The following GPC6 variants were observed in gnomAD, a reference collection of about 807,000 sequenced individuals.
GPC6 encodes the protein glypican-6.
GPC6 carries 14 observed loss-of-function variants against 55.2 expected under a neutral mutation model. That is an observed-to-expected ratio of 0.25 (90% CI 0.17 to 0.40). The LOEUF (loss-of-function observed/expected upper bound fraction) is 0.40. Among genes scored for constraint, GPC6 ranks in the 10% least tolerant of loss-of-function variants. The pLI is 1.00. For missense variants in GPC6, 641 were observed against 708.5 expected (o/e 0.90, Z 1.08); for synonymous variants, 278 against 259.6 (o/e 1.07, Z -0.68).
At chr13:93,848,546 G>A (rs1342881437) in intron 3 of GPC6, among the ~76,000 whole-genome samples, 3 of 152,010 alleles carry the variant, frequency 2.0e-5, no homozygotes, top group Non-Finnish European at 2.9e-5. Flanking sequence ...TGAGGTTACT[G>A]TCCTGTTTAC....
At chr13:93,326,952 G>GCTGTAGGT (rs1879679861) in intron 1 of GPC6, among the ~76,000 whole-genome samples, 1 of 152,194 alleles carries the variant, frequency 6.6e-6, no homozygotes, top group African/African-American at 2.4e-5. Flanking sequence ...GCACTAAAAA[G>GCTGTAGGT]CTGTAGGTGT....
At chr13:93,369,360 CATT>C (rs1277563748) in intron 1 of GPC6, among the ~76,000 whole-genome samples, 1 of 151,950 alleles carries the variant, frequency 6.6e-6, no homozygotes, top group African/African-American at 2.4e-5. Flanking sequence ...ACGATGGAAA[CATT>C]AATCAAAAGG....
At chr13:93,575,159 T>C (rs1455531865) in intron 2 of GPC6, among the ~76,000 whole-genome samples, 5 of 152,096 alleles carry the variant, frequency 3.3e-5, no homozygotes, top group Admixed American at 3.3e-4. Flanking sequence ...CAGGGTGTGA[T>C]GGTGCATGCC....
At position 93,346,856 on chromosome 13, in the gene GPC6, A is replaced by G. The variant is rs150802288; in HGVS notation, c.160+119240A>G. 4.1e-3 allele frequency among the ~76,000 whole-genome samples: 617 copies of G among 152,300 alleles called. 20 individuals are homozygous for G. The East Asian group carries it at 0.063, about 16-fold the overall frequency. ...TGTATAGCATTATGTAGATACATTT[A>G]GTCATATAATTTCTAAATAAAAATG... On this transcript the variant is annotated intron_variant, in intron 1 of 8. Coordinates refer to ENST00000377047, the MANE Select transcript of GPC6 (RefSeq NM_005708.5).
chr13:93,494,020 C>T (rs1433665552), intron 1 of GPC6, among the ~76,000 whole-genome samples: 5 of 128,930 alleles, frequency 3.9e-5, no homozygotes, highest in African/African-American at 1.5e-4. Context: ...GTGGAGAGTT[C>T]TGTAGATGTC....
At chr13:94,072,920 GA>G (rs1884787234) in intron 4 of GPC6, among the ~76,000 whole-genome samples, 1 of 152,182 alleles carries the variant, frequency 6.6e-6, no homozygotes, top group South Asian at 2.1e-4. Flanking sequence ...GATGAAAGGT[GA>G]ATAAGGTCAG....
intron 1 of GPC6, among the ~76,000 whole-genome samples, chr13:93,352,761 T>A (rs1880677256): frequency 6.6e-6 from 1 of 152,132 alleles, no homozygotes; most frequent in Non-Finnish European, 1.5e-5. Context: ...CTAAATAAGA[T>A]AGCAAATCTC....
intron 6 of GPC6, among the ~76,000 whole-genome samples, chr13:94,378,702 A>G (rs189313163): frequency 1.3e-5 from 2 of 152,346 alleles, no homozygotes; most frequent in East Asian, 1.9e-4. Flanking sequence ...CCAGAGACAT[A>G]ACAGTAGTTG....
intron 1 of GPC6, among the ~76,000 whole-genome samples, chr13:93,241,791 C>G (rs1348368634): frequency 6.7e-6 from 1 of 149,074 alleles, no homozygotes; most frequent in Non-Finnish European, 1.5e-5. Flanking sequence ...AGAATTGTTT[C>G]TTCTTATTAT....
intron 3 of GPC6, among the ~76,000 whole-genome samples, chr13:93,911,152 G>T (rs2140335815): frequency 6.6e-6 from 1 of 152,288 alleles, no homozygotes; most frequent in East Asian, 1.9e-4. Context: ...ATACAAAGAG[G>T]AACAGAGTTT....
At chr13:93,845,104 C>T (rs978747654) in intron 3 of GPC6, among the ~76,000 whole-genome samples, 14 of 151,914 alleles carry the variant, frequency 9.2e-5, no homozygotes, top group African/African-American at 3.4e-4. Context: ...GTTCTTTTGG[C>T]TTAGGATTGA....
At chr13:93,981,458 T>C (rs894165827) in intron 3 of GPC6, among the ~76,000 whole-genome samples, 2 of 152,196 alleles carry the variant, frequency 1.3e-5, no homozygotes, top group African/African-American at 4.8e-5. Context: ...AAATAAAAAT[T>C]TGTATGAAAT....
At chr13:93,972,903 TTCTC>T (rs142791637) in intron 3 of GPC6, among the ~76,000 whole-genome samples, 4 of 141,266 alleles carry the variant, frequency 2.8e-5, no homozygotes, top group Admixed American at 7.0e-5. Context: ...GTCTCTCTCT[TTCTC>T]TCTCTCTCTC....
chr13:93,789,156 GA>G (rs1566536234), intron 2 of GPC6, among the ~76,000 whole-genome samples: 2 of 152,098 alleles, frequency 1.3e-5, no homozygotes, highest in Non-Finnish European at 1.5e-5. Flanking sequence ...ATGTCTGAAA[GA>G]GAAAATAAGA....
At position 93,427,104 on chromosome 13, in the gene GPC6, ATTTG is replaced by A. The variant is rs762392648; in HGVS notation, c.161-118154_161-118151del. Among the ~76,000 whole-genome samples, 793 of 149,324 alleles carry A rather than the reference ATTTG, an allele frequency of 5.3e-3. 7 individuals are homozygous for A. The highest frequency in any genetic ancestry group is 7.6e-3 in the Non-Finnish European group (510 of 66,886). ...GGGGTTGTTTGTTTTTTTCTTGTAA[ATTTG>A]TTTGAGTTCATTGTAGATTCTGGAT... On this transcript the variant is annotated intron_variant, in intron 1 of 8. Transcript: ENST00000377047.
chr13:93,247,960 A>AT (rs1256637268), intron 1 of GPC6, among the ~76,000 whole-genome samples: 4 of 152,188 alleles, frequency 2.6e-5, no homozygotes, highest in Admixed American at 2.6e-4. Context: ...AAAACATGAA[A>AT]TTATATTTTT....
intron 3 of GPC6, among the ~76,000 whole-genome samples, chr13:93,846,912 T>C (rs1422022135): frequency 2.0e-5 from 3 of 152,196 alleles, no homozygotes; most frequent in Admixed American, 6.5e-5. Context: ...TTTTAATACA[T>C]TATTCTCATA....
Position 93,825,864 on chromosome 13 carries a change from T to C in GPC6, c.320-4290T>C, listed in dbSNP as rs969456222. ...TATTTTTTATTTTATTATTTTCTTT[T>C]TTTTTTTTTTTTTTTGAGATGGATC... On this transcript the variant is annotated intron_variant, in intron 2 of 8. Transcript: ENST00000377047. Among the ~76,000 whole-genome samples, 13 of 145,026 alleles carry C rather than the reference T, an allele frequency of 9.0e-5. No homozygotes were observed. In the South Asian group the frequency reaches 9.0e-4, roughly 10 times the overall value.
At chr13:93,262,380 C>T (rs1454039505) in intron 1 of GPC6, among the ~76,000 whole-genome samples, 3 of 152,154 alleles carry the variant, frequency 2.0e-5, no homozygotes, top group Non-Finnish European at 2.9e-5. Flanking sequence ...CTTAAGTTTT[C>T]TTGCGAAATT....
Sources: gnomAD v4.1 joint callset for allele counts (sites outside exome capture counted in the v4.1 genomes callset) on GRCh38, gnomAD v4.1.1 for gene constraint, MANE v1.5 for transcripts, NCBI Gene and HGNC (gene_info 2026-07-23, HGNC 2026-07-21) for gene names.